PLCB1: variants seen among roughly 807,000 people sequenced by gnomAD.
PLCB1 encodes the protein phospholipase C beta 1.
A neutral mutation model predicts 161.8 loss-of-function variants in PLCB1; 46 were observed. That is an observed-to-expected ratio of 0.28 (90% confidence interval 0.22 to 0.36). PLCB1 has a LOEUF of 0.36. Ranked by LOEUF, PLCB1 falls within the 10% of genes least tolerant of loss-of-function variation. The pLI, the probability that PLCB1 is intolerant of heterozygous loss-of-function variation, is 1.00. For synonymous variants in PLCB1, 517 were observed against 503.7 expected, an observed-to-expected ratio of 1.03 and a Z score of -0.35; for missense variants, 1,016 against 1,472.5, an observed-to-expected ratio of 0.69 and a Z score of 5.07.
chr20:8,200,687 A>G (rs918223126), intron 2 of PLCB1, among the ~76,000 whole-genome samples: 1 of 151,952 alleles, frequency 6.6e-6, no homozygotes, highest in Non-Finnish European at 1.5e-5. Context: ...TTCATAATCT[A>G]TACATCACCA....
At chr20:8,156,143 C>T (rs1313341724) in intron 2 of PLCB1, among the ~76,000 whole-genome samples, 1 of 152,202 alleles carries the variant, frequency 6.6e-6, no homozygotes, top group Non-Finnish European at 1.5e-5. Context: ...CTTTGTCTGG[C>T]TACTAGAACT....
chr20:8,141,169 G>A (rs2051399288), intron 1 of PLCB1, among the ~76,000 whole-genome samples: 1 of 152,180 alleles, frequency 6.6e-6, no homozygotes, highest in African/African-American at 2.4e-5. Flanking sequence ...AAGAATCTCT[G>A]TTATTTTTAG....
intron 12 of PLCB1, among the ~76,000 whole-genome samples, chr20:8,713,384 T>C (rs1979126316): frequency 6.6e-6 from 1 of 152,176 alleles, no homozygotes; most frequent in African/African-American, 2.4e-5. Flanking sequence ...GATTTCACCA[T>C]GTTGGCCAGG....
intron 3 of PLCB1, among the ~76,000 whole-genome samples, chr20:8,402,857 A>T (rs998701716): frequency 3.9e-5 from 6 of 152,080 alleles, no homozygotes; most frequent in African/African-American, 1.4e-4. Context: ...AAAAATAAAA[A>T]AAAAATTTAA....
chr20:8,567,470 G>A (rs190528270), intron 3 of PLCB1, among the ~76,000 whole-genome samples: 6 of 152,090 alleles, frequency 3.9e-5, no homozygotes, highest in Admixed American at 2.6e-4. Flanking sequence ...CATAAGTTTA[G>A]TATTCTCCAA....
At chr20:8,474,472 G>A (rs1206017075) in intron 3 of PLCB1, among the ~76,000 whole-genome samples, 2 of 151,770 alleles carry the variant, frequency 1.3e-5, no homozygotes, top group Non-Finnish European at 2.9e-5. Flanking sequence ...TCCTTGGATC[G>A]GAGTGTGCTT....
chr20:8,527,718 G>A (rs1042759723), intron 3 of PLCB1, among the ~76,000 whole-genome samples: 1 of 151,954 alleles, frequency 6.6e-6, no homozygotes, highest in Admixed American at 6.6e-5. Context: ...TTTTATATAC[G>A]TAAAAATTCA....
At chr20:8,148,677 C>G (rs6055570) in intron 1 of PLCB1, among the ~76,000 whole-genome samples, 1 of 151,934 alleles carries the variant, frequency 6.6e-6, no homozygotes, top group Admixed American at 6.6e-5. Flanking sequence ...AATGGATAAA[C>G]AAGACATGGC....
At chr20:8,384,648 T>G (rs708924) in intron 3 of PLCB1, among the ~76,000 whole-genome samples, 1 of 151,808 alleles carries the variant, frequency 6.6e-6, no homozygotes, top group Non-Finnish European at 1.5e-5. Context: ...TTCTTTCTCG[T>G]CTTTATGAGT....
At chr20:8,656,369 T>C (rs768309038) in intron 7 of PLCB1, among the ~76,000 whole-genome samples, 20 of 152,002 alleles carry the variant, frequency 1.3e-4, no homozygotes, top group African/African-American at 4.8e-4. Flanking sequence ...TCAAAACCTA[T>C]GAAAATAGTC....
At chr20:8,268,161 C>T (rs1982078195) in intron 2 of PLCB1, among the ~76,000 whole-genome samples, 1 of 152,072 alleles carries the variant, frequency 6.6e-6, no homozygotes. Context: ...GTTCCCCACC[C>T]TGTGTCCAAG....
chr20:8,739,393 A>G lies in PLCB1; in HGVS notation c.2308+33A>G. The G allele has an allele frequency of 2.3e-6, 3 of 1,303,034 alleles. 1 individual carries two copies. Among genetic ancestry groups the G allele is most frequent in the South Asian group, 2.4e-5 (2 of 84,532 alleles). 80.7% of individuals were successfully genotyped at this position (1,303,034 alleles called of 1,614,324 possible). On this transcript the variant is annotated intron_variant, in intron 21 of 31. Transcript: ENST00000338037. Reference sequence around the variant, plus strand: ...TAGTGTGCTGAGAAACCTTTTATCAAAGTTGCAAAGAAAATCATTACTGCT... The same window carrying G: ...TAGTGTGCTGAGAAACCTTTTATCAGAGTTGCAAAGAAAATCATTACTGCT...
intron 31 of PLCB1, among the ~76,000 whole-genome samples, chr20:8,815,577 A>C (rs971254161): frequency 6.8e-6 from 1 of 147,716 alleles, no homozygotes; most frequent in Non-Finnish European, 1.5e-5. Flanking sequence ...CGACGTGGAA[A>C]GAGGCCCAAG....
intron 3 of PLCB1, among the ~76,000 whole-genome samples, chr20:8,420,669 A>G (rs1372045872): frequency 6.6e-6 from 1 of 152,214 alleles, no homozygotes; most frequent in Non-Finnish European, 1.5e-5. Context: ...TGTAAGAGTA[A>G]CAAGAGTCTA....
intron 2 of PLCB1, chr20:8,305,899 G>T (rs1157069485): frequency 6.6e-6 from 1 of 152,198 alleles, no homozygotes; most frequent in Admixed American, 6.5e-5. Flanking sequence ...TGAGAAAACA[G>T]TCTGAGCCTG....
At chr20:8,876,197 C>A (rs1987774455) in intron 31 of PLCB1, among the ~76,000 whole-genome samples, 1 of 152,172 alleles carries the variant, frequency 6.6e-6, no homozygotes, top group Non-Finnish European at 1.5e-5. Flanking sequence ...AAAACAAACT[C>A]TGACAACACT....
chr20:8,439,447 A>G (rs1005706714), intron 3 of PLCB1, among the ~76,000 whole-genome samples: 3 of 152,202 alleles, frequency 2.0e-5, no homozygotes, highest in African/African-American at 4.8e-5. Context: ...TTACTATTTC[A>G]TAAGAAAAAC....
At chr20:8,195,192 A>T (rs1417250537) in intron 2 of PLCB1, among the ~76,000 whole-genome samples, 1 of 152,032 alleles carries the variant, frequency 6.6e-6, no homozygotes, top group African/African-American at 2.4e-5. Flanking sequence ...TCTTTTAGGA[A>T]AATAAGGAAG....
chr20:8,450,549 T>C (rs546140119), intron 3 of PLCB1, among the ~76,000 whole-genome samples: 1 of 152,266 alleles, frequency 6.6e-6, no homozygotes, highest in African/African-American at 2.4e-5. Flanking sequence ...TTTCTTCTTG[T>C]CTCTGATTTT....
Sources: allele counts gnomAD v4.1 joint callset (sites outside exome capture counted in the v4.1 genomes callset), GRCh38; gene constraint gnomAD v4.1.1; transcripts MANE v1.5; gene names NCBI Gene and HGNC (gene_info 2026-07-23, HGNC 2026-07-21).